The following MYO3B variants were observed in gnomAD, a reference collection of about 807,000 sequenced individuals.
MYO3B encodes the protein myosin IIIB, also known as myosin-IIIb.
A neutral mutation model predicts 174.6 loss-of-function variants in MYO3B; 156 were observed. The observed-to-expected ratio is 0.89, with a 90% CI of 0.78 to 1.02. The LOEUF is 1.02. Among genes scored for constraint, MYO3B ranks in the 50% least tolerant of loss-of-function variants. MYO3B has a pLI of 0.00. For missense variants in MYO3B, 1,632 were observed against 1,639.4 expected, an observed-to-expected ratio of 1.00 and a Z score of 0.08; for synonymous variants, 563 against 569.1, an observed-to-expected ratio of 0.99 and a Z score of 0.15.
chr2:170,549,094 T>C (rs951133054), intron 32 of MYO3B, among the ~76,000 whole-genome samples: 1 of 152,218 alleles, frequency 6.6e-6, no homozygotes, highest in Non-Finnish European at 1.5e-5. Context: ...GTAGTACCTA[T>C]ATTAGGTACC....
intron 7 of MYO3B, among the ~76,000 whole-genome samples, chr2:170,266,374 A>AAT (rs1356024376): frequency 6.6e-6 from 1 of 152,176 alleles, no homozygotes; most frequent in East Asian, 1.9e-4. Flanking sequence ...AAGTTAAACA[A>AAT]ATGCATTTCT....
chr2:170,349,335 A>G (rs1423248696), intron 8 of MYO3B, among the ~76,000 whole-genome samples: 1 of 152,152 alleles, frequency 6.6e-6, no homozygotes, highest in Non-Finnish European at 1.5e-5. Context: ...ATTTGTTTCT[A>G]CGTCTGTCTC....
At chr2:170,565,348 A>G (rs1053689759) in intron 32 of MYO3B, among the ~76,000 whole-genome samples, 10 of 152,130 alleles carry the variant, frequency 6.6e-5, no homozygotes, top group African/African-American at 2.4e-4. Context: ...TATTTTTGTG[A>G]AGTTTGTACT....
intron 19 of MYO3B, 130 bp downstream of exon 19, chr2:170,403,125 C>T (rs756551696): frequency 1.2e-6 from 1 of 828,578 alleles, no homozygotes; most frequent in Non-Finnish European, 1.7e-6. Context: ...TAAGGCAGTC[C>T]TGGCTAAATA....
Position 170,653,860 on chromosome 2 carries a change from G to GCAAA in MYO3B, c.*739_*740insCAAA, listed in dbSNP as rs1304196171. On this transcript the variant is annotated 3_prime_UTR_variant, in exon 35 of 35. Transcript: ENST00000408978. The stretch of plus-strand genomic sequence containing the variant: ...AGGGAAAGTTTGGACCTGTCACTTT[G>GCAAA]GTGACAGGGAAAGTCCAGGTCACTT... 5.9e-5 allele frequency: 9 copies of GCAAA among 152,254 alleles called. No individual in the cohort carries two copies. Among genetic ancestry groups the GCAAA allele is most frequent in the Admixed American group, 1.3e-4 (2 of 15,280 alleles). 9.4% of individuals were successfully genotyped at this position (152,254 alleles called of 1,614,324 possible).
intron 7 of MYO3B, among the ~76,000 whole-genome samples, chr2:170,253,461 A>C (rs1320892916): frequency 2.0e-5 from 3 of 152,204 alleles, no homozygotes; most frequent in Non-Finnish European, 4.4e-5. Context: ...TTTGAGATGC[A>C]AATTTATCAT....
At chr2:170,297,418 T>C (rs990472269) in intron 7 of MYO3B, among the ~76,000 whole-genome samples, 7 of 152,182 alleles carry the variant, frequency 4.6e-5, no homozygotes, top group Admixed American at 3.9e-4. Flanking sequence ...ACAGTGGTAG[T>C]CTAAAGCTGC....
In MYO3B at chr2:170,404,302, GC is replaced by G; in HGVS notation, c.2336del (p.Pro779ArgfsTer86). ...DAVPVEYEDN[R>X]PLLDMFLQKP... ...GTACCCGTGGAATATGAGGACAACC[GC>G]CCGCTCTTGGACATGTTCCTCCAGA... On this transcript the variant is annotated frameshift_variant, in exon 20 of 35. Transcript: ENST00000408978. LOFTEE classifies it high-confidence loss of function. The G allele has an allele frequency of 6.2e-7, 1 of 1,613,514 alleles. No individual in the cohort carries two copies. The highest frequency in any genetic ancestry group is 8.5e-7 in the Non-Finnish European group (1 of 1,179,690).
intron 8 of MYO3B, chr2:170,340,616 T>C (rs2093971391): frequency 6.6e-6 from 1 of 152,168 alleles, no homozygotes; most frequent in African/African-American, 2.4e-5. Flanking sequence ...GTTTAATGAA[T>C]GATGGACAGT....
intron 14 of MYO3B, among the ~76,000 whole-genome samples, chr2:170,387,847 A>G (rs1451303269): frequency 2.0e-5 from 3 of 152,102 alleles, no homozygotes; most frequent in Admixed American, 6.6e-5. Context: ...TGGAAATGCT[A>G]CTAGTGCTGA....
At chr2:170,401,343 A>T in intron 17 of MYO3B, 138 bp from the exon 18 acceptor site, 1 of 706,580 alleles carries the variant, frequency 1.4e-6, no homozygotes, top group Non-Finnish European at 2.4e-6. Context: ...TCTTGGGGTT[A>T]GGGATCTAGC....
chr2:170,266,784 G>A (rs1036436260), intron 7 of MYO3B, among the ~76,000 whole-genome samples: 1 of 152,174 alleles, frequency 6.6e-6, no homozygotes, highest in Admixed American at 6.5e-5. Context: ...TCTTCTGATG[G>A]CAATAGAGTG....
At position 170,519,536 on chromosome 2, in the gene MYO3B, A is replaced by G; in HGVS notation, c.3571A>G (p.Asn1191Asp). Residue 1191 changes from asparagine (N) to aspartate (D), a missense_variant, in exon 30 of 35, where the codon AAT (asparagine) becomes GAT (aspartate). By Grantham distance (23) the Asn-to-Asp change is conservative (BLOSUM62 1). Transcript: ENST00000408978. ...SSNSPAVTEK[N>D]GHSQAQSSPK... ...CAACTCTCCTGCTGTCACAGAGAAA[A>G]ATGGGTGAGCATTATCTGCTAAGAG... 1 of 1,613,592 alleles carries G rather than the reference A, an allele frequency of 6.2e-7. No homozygotes were observed. The highest frequency in any genetic ancestry group is 8.5e-7 in the Non-Finnish European group (1 of 1,179,582).
At position 170,401,549 on chromosome 2, in the gene MYO3B, C is replaced by A. The variant is rs199555443; in HGVS notation, c.1987C>A (p.Arg663=). The A allele has an allele frequency of 1.6e-5, 26 of 1,614,016 alleles. No homozygotes were observed. Among genetic ancestry groups the A allele is most frequent in the Non-Finnish European group, 1.9e-5 (22 of 1,180,026 alleles). ...EALTSHCVVT[R]GETIIRANTV... Reference sequence around the variant, plus strand: ...CCTCACCTCCCACTGTGTGGTCACCCGGGGCGAGACCATCATCCGTGCCAA... The same window carrying A: ...CCTCACCTCCCACTGTGTGGTCACCAGGGGCGAGACCATCATCCGTGCCAA... The change falls in exon 18 of 35, where the codon CGG becomes AGG. Residue 663 remains arginine (R), a synonymous_variant. Transcript: ENST00000408978.
At chr2:170,329,915 G>A (rs895787533) in intron 7 of MYO3B, among the ~76,000 whole-genome samples, 53 of 152,138 alleles carry the variant, frequency 3.5e-4, no homozygotes, top group African/African-American at 1.2e-3. Context: ...TGTTGCTGTA[G>A]TTAATACTAT....
At chr2:170,261,448 G>C (rs141683070) in intron 7 of MYO3B, among the ~76,000 whole-genome samples, 1 of 152,212 alleles carries the variant, frequency 6.6e-6, no homozygotes, top group Non-Finnish European at 1.5e-5. Flanking sequence ...AGCTACTTGG[G>C]AGGCTAAGGA....
intron 32 of MYO3B, among the ~76,000 whole-genome samples, chr2:170,621,042 CTG>C (rs1423200334): frequency 2.0e-5 from 3 of 152,094 alleles, no homozygotes; most frequent in Non-Finnish European, 2.9e-5. Context: ...GCACCCGCCA[CTG>C]TGCCTGGCTA....
At position 170,513,088 on chromosome 2, in the gene MYO3B, C is replaced by T. The variant is rs143749563; in HGVS notation, c.3371-1833C>T. ...CTTTTCTTCCCACCCAATTTTTCCC[C>T]GCACACCCCAGCCAAATCAAGCTGA... On this transcript the variant is annotated intron_variant, in intron 28 of 34. Transcript: ENST00000408978. 3.3e-3 allele frequency among the ~76,000 whole-genome samples: 506 copies of T among 152,184 alleles called. 5 individuals are homozygous for T. The East Asian group carries it at 0.048, about 14-fold the overall frequency.
intron 22 of MYO3B, among the ~76,000 whole-genome samples, chr2:170,429,500 A>T (rs190632139): frequency 3.5e-4 from 54 of 152,242 alleles, no homozygotes; most frequent in African/African-American, 9.4e-4. Context: ...AACTGTCCCC[A>T]CAGGTGGTAT....
Sources: gnomAD v4.1 joint callset for allele counts (sites outside exome capture counted in the v4.1 genomes callset) on GRCh38, gnomAD v4.1.1 for gene constraint, MANE v1.5 for transcripts, NCBI Gene and HGNC (gene_info 2026-07-23, HGNC 2026-07-21) for gene names.